Variants in FPR3 observed in about 807,000 individuals in gnomAD.
FPR3 encodes N-formyl peptide receptor 3.
For synonymous variants in FPR3, 135 were observed against 163.6 expected (o/e 0.83, Z 1.34); for missense variants, 346 against 443.2 (o/e 0.78, Z 1.97).
intron 1 of FPR3, among the ~76,000 whole-genome samples, chr19:51,822,242 G>A (rs976006807): frequency 2.0e-5 from 3 of 152,174 alleles, no homozygotes; most frequent in Admixed American, 1.3e-4. Context: ...CTCCCATAGT[G>A]TTATTGCCCA....
intron 1 of FPR3, among the ~76,000 whole-genome samples, chr19:51,796,955 C>T (rs2084003258): frequency 6.6e-6 from 1 of 152,056 alleles, no homozygotes; most frequent in Non-Finnish European, 1.5e-5. Flanking sequence ...GTGAGATACC[C>T]CAACATTTAG....
intron 1 of FPR3, among the ~76,000 whole-genome samples, chr19:51,796,039 G>A (rs16983063): frequency 6.6e-6 from 1 of 152,174 alleles, no homozygotes; most frequent in African/African-American, 2.4e-5. Context: ...GTATTTAAGA[G>A]AGAAGATAAA....
At chr19:51,821,477 A>G (rs2084188985) in intron 1 of FPR3, among the ~76,000 whole-genome samples, 1 of 152,154 alleles carries the variant, frequency 6.6e-6, no homozygotes, top group Non-Finnish European at 1.5e-5. Context: ...AGTCCCCCAC[A>G]ACAAAGAATT....
At position 51,797,344 on chromosome 19, in the gene FPR3, C is replaced by T. The variant is rs2084005982; in HGVS notation, c.-11+2013C>T. Among the ~76,000 whole-genome samples the T allele has an allele frequency of 2.0e-5, 3 of 152,140 alleles. No homozygotes were observed. In the South Asian group the frequency reaches 6.2e-4, roughly 31 times the overall value. On this transcript the variant is annotated intron_variant, in intron 1 of 1. Transcript: ENST00000339223. ...TTGGCTGGAAATTCTGTCTTACAGA[C>T]AGACCTTACAGAGAGGTCATTTGGC...
In FPR3 at chr19:51,825,965, C is replaced by T. The variant is rs1351108267; in HGVS notation, c.*1155C>T. On this transcript the variant is annotated 3_prime_UTR_variant, in exon 2 of 2. Transcript: ENST00000339223. ...TGCCATAGGCTTTCTGGGGCTTTCT[C>T]TTTTTAAAGTCAGACTGTTGAAGGT... 1 of 166,892 alleles carries T rather than the reference C, an allele frequency of 6.0e-6. No homozygotes were observed. The highest frequency in any genetic ancestry group is 1.5e-5 in the Non-Finnish European group (1 of 68,086). The allele number at this position is 166,892 out of a possible 1,614,324, so 10.3% of individuals were successfully genotyped here.
intron 1 of FPR3, among the ~76,000 whole-genome samples, chr19:51,802,459 A>C (rs2084031064): frequency 6.6e-6 from 1 of 152,208 alleles, no homozygotes; most frequent in South Asian, 2.1e-4. Flanking sequence ...TGAGTGGATG[A>C]AGTTTTTAAT....
chr19:51,812,118 T>C (rs2084101480), intron 1 of FPR3, among the ~76,000 whole-genome samples: 1 of 152,176 alleles, frequency 6.6e-6, no homozygotes, highest in Non-Finnish European at 1.5e-5. Context: ...ACAGAATATG[T>C]TGGAGGTAGA....
Position 51,824,832 on chromosome 19 carries a change from CTG to C in FPR3, c.*24_*25del, listed in dbSNP as rs1304779668. The C allele has an allele frequency of 6.4e-7, 1 of 1,572,688 alleles. No homozygotes were observed. The highest frequency in any genetic ancestry group is 1.4e-5 in the African/African-American group (1 of 73,394). ...GTGAGGTCGGGGATATTTTTGGGCTCTGTCTCTTTCTACCCTGCGTTAAGCGG... is the reference window on the plus strand; with the variant it reads ...GTGAGGTCGGGGATATTTTTGGGCTCTCTCTTTCTACCCTGCGTTAAGCGG... On this transcript the variant is annotated 3_prime_UTR_variant, in exon 2 of 2. Transcript: ENST00000339223. This position sits in a 1 kb window ranked among gnomAD's most constrained non-coding sequence, Gnocchi z 4.7.
intron 1 of FPR3, among the ~76,000 whole-genome samples, chr19:51,808,300 T>C (rs1484410598): frequency 6.6e-6 from 1 of 152,244 alleles, no homozygotes; most frequent in East Asian, 1.9e-4. Flanking sequence ...CATACACTTC[T>C]CTCTGTAACA....
chr19:51,817,978 C>CTTTTTT (rs142320718), intron 1 of FPR3: 1 of 148,152 alleles, frequency 6.7e-6, no homozygotes, highest in Non-Finnish European at 1.5e-5. Flanking sequence ...TTTTTTCAGT[C>CTTTTTT]TTTTTTTTTT....
At chr19:51,795,907 A>G (rs998560180) in intron 1 of FPR3, among the ~76,000 whole-genome samples, 1 of 152,152 alleles carries the variant, frequency 6.6e-6, no homozygotes, top group Non-Finnish European at 1.5e-5. Context: ...CTACAAAAAA[A>G]TTTTGAGTCC....
At chr19:51,800,543 AC>A (rs2084022094) in intron 1 of FPR3, among the ~76,000 whole-genome samples, 1 of 152,128 alleles carries the variant, frequency 6.6e-6, no homozygotes, top group Non-Finnish European at 1.5e-5. Context: ...GCGGTTTGGC[AC>A]TTGTTCCTGC....
intron 1 of FPR3, among the ~76,000 whole-genome samples, chr19:51,796,117 A>G (rs2083997331): frequency 6.6e-6 from 1 of 152,192 alleles, no homozygotes; most frequent in South Asian, 2.1e-4. Flanking sequence ...TGCTTTGCAG[A>G]GTGGGTGAGG....
chr19:51,808,615 A>G (rs1420035523), intron 1 of FPR3, among the ~76,000 whole-genome samples: 1 of 152,234 alleles, frequency 6.6e-6, no homozygotes, highest in Non-Finnish European at 1.5e-5. Flanking sequence ...GAAGGCACAG[A>G]GAATGCAAAT....
In FPR3 at chr19:51,824,828, G is replaced by T; in HGVS notation, c.*18G>T. 6.3e-7 allele frequency: 1 copy of T among 1,584,462 alleles called. No homozygotes were observed. The highest frequency in any genetic ancestry group is 1.7e-4 in the Middle Eastern group (1 of 5,934). On this transcript the variant is annotated 3_prime_UTR_variant, in exon 2 of 2. Transcript: ENST00000339223. The surrounding 1 kb of genome is among the most constrained non-coding windows in gnomAD (Gnocchi z 4.7). Reference sequence around the variant, plus strand: ...CAATGTGAGGTCGGGGATATTTTTGGGCTCTGTCTCTTTCTACCCTGCGTT... The same window carrying T: ...CAATGTGAGGTCGGGGATATTTTTGTGCTCTGTCTCTTTCTACCCTGCGTT...
intron 1 of FPR3, among the ~76,000 whole-genome samples, chr19:51,806,785 C>T (rs1211548386): frequency 6.6e-6 from 1 of 152,208 alleles, no homozygotes; most frequent in Non-Finnish European, 1.5e-5. Flanking sequence ...ATGTACCATG[C>T]AGCATATGAG....
chr19:51,796,261 G>A (rs1017071480), intron 1 of FPR3, among the ~76,000 whole-genome samples: 1 of 152,218 alleles, frequency 6.6e-6, no homozygotes. Flanking sequence ...ACAAAGAGCT[G>A]CAAGTTCAAG....
At chr19:51,813,119 A>AAC (rs35245083) in intron 1 of FPR3, among the ~76,000 whole-genome samples, 25,794 of 136,930 alleles carry the variant, frequency 0.19, 2,230 homozygotes, top group East Asian at 0.27. Context: ...GCTCTGTCTC[A>AAC]ACACACACAC....
At chr19:51,816,221 C>G (rs1200461274) in intron 1 of FPR3, among the ~76,000 whole-genome samples, 1 of 152,204 alleles carries the variant, frequency 6.6e-6, no homozygotes, top group Admixed American at 6.5e-5. Flanking sequence ...CCCTATGCAT[C>G]TATTTTGACT....
Sources: gnomAD v4.1 joint callset for allele counts (sites outside exome capture counted in the v4.1 genomes callset) on GRCh38, gnomAD v4.1.1 for gene constraint, Gnocchi (gnomAD v3.1) non-coding constraint, MANE v1.5 for transcripts, NCBI Gene and HGNC (gene_info 2026-07-23, HGNC 2026-07-21) for gene names.